LRRC24: variants seen among roughly 807,000 people sequenced by gnomAD.
LRRC24 encodes leucine rich repeat containing 24.
A neutral mutation model predicts 15.3 loss-of-function variants in LRRC24; 19 were observed. The observed-to-expected ratio is 1.25, with a 90% confidence interval of 0.87 to 1.83. LRRC24 has a LOEUF of 1.83. Ranked by LOEUF, LRRC24 falls within the 40% of genes most tolerant of loss-of-function variation. LRRC24 has a pLI of 0.00. For synonymous variants in LRRC24, 469 were observed against 359.6 expected (o/e 1.30, Z -3.44); for missense variants, 914 against 723.9 (o/e 1.26, Z -3.01).
rs779345127 is a variant in LRRC24 at position 144,523,402 on chromosome 8, T to C, written c.615A>G (p.Pro205=). 2 of 1,531,198 alleles carry C rather than the reference T, an allele frequency of 1.3e-6. No individual in the cohort carries two copies. Among genetic ancestry groups the C allele is most frequent in the Non-Finnish European group, 1.8e-6 (2 of 1,139,394 alleles). The allele number at this position is 1,531,198 out of a possible 1,614,324, so 94.9% of individuals were successfully genotyped here. A position where few individuals can be genotyped will look rare whatever the true frequency, so the allele number is the denominator to read the frequency against. ...AGTGCAGGGCGCAGTCACAGCGCCA[T>C]GGGTTCTCTGTGGGAGAGCAGCGTT... The part of the protein sequence containing the change: ...SLQVLRLTEN[P]WRCDCALHWL... The change falls in exon 5 of 5, where the codon CCA becomes CCG. Residue 205 remains proline (P), a synonymous_variant. Transcript: ENST00000529415.
In LRRC24 at chr8:144,523,386, C is replaced by T. The variant is rs1458795086; in HGVS notation, c.631G>A (p.Ala211Thr). 6.5e-7 allele frequency: 1 copy of T among 1,546,954 alleles called. No individual in the cohort carries two copies. Among genetic ancestry groups the T allele is most frequent in the Non-Finnish European group, 8.7e-7 (1 of 1,145,828 alleles). Reference protein sequence around the residue: ...LTENPWRCDCALHWLGAWIKE... With the variant: ...LTENPWRCDCTLHWLGAWIKE... ...ATCCAGGCACCCAGCCAGTGCAGGG[C>T]GCAGTCACAGCGCCATGGGTTCTCT... Residue 211 changes from alanine to threonine, a missense_variant, in exon 5 of 5, where the codon GCC (alanine) becomes ACC (threonine). Ala to Thr is a moderately conservative substitution (Grantham distance 58). Coordinates refer to ENST00000529415, the MANE Select transcript of LRRC24 (RefSeq NM_001024678.4).
rs200824472 is a variant in LRRC24, at chr8:144,522,802, C to T, written c.1215G>A (p.Thr405=). The T allele has an allele frequency of 2.6e-6, 4 of 1,538,118 alleles. 1 individual carries two copies. The highest frequency in any genetic ancestry group is 2.5e-5 in the East Asian group (1 of 39,288). ...AFRALGVATQ[T]AIAAAIALLA... ...GCAGCGCGATGGCCGCCGCAATGGC[C>T]GTCTGTGTGGCCACGCCCAGGGCGC... is the stretch of plus-strand genomic sequence containing the variant. Residue 405 remains threonine, a synonymous_variant, in exon 5 of 5, where the codon ACG becomes ACA. Transcript: ENST00000529415.
chr8:144,522,764 GC>G lies in LRRC24; in HGVS notation c.1252del (p.Ala418ArgfsTer7), dbSNP rs1261869363. On this transcript the variant is annotated frameshift_variant, in exon 5 of 5. Transcript: ENST00000529415. LOFTEE classifies it low-confidence loss of function (END_TRUNC). Reference protein sequence around the residue: ...AAAIALLALTALLLVAMICRR... With the variant: ...AAAIALLALTXLLLVAMICRR... Reference sequence around the variant, plus strand: ...ACAGATCATGGCGACCAGGAGCAGCGCCGTGAGCGCCAGCAGCGCGATGGCC... The same window carrying G: ...ACAGATCATGGCGACCAGGAGCAGCGCGTGAGCGCCAGCAGCGCGATGGCC... 1 of 1,574,242 alleles carries G rather than the reference GC, an allele frequency of 6.4e-7. No individual in the cohort carries two copies. The highest frequency in any genetic ancestry group is 8.6e-7 in the Non-Finnish European group (1 of 1,163,210).
intron 4 of LRRC24, 44 bp from the exon 5 acceptor site, chr8:144,523,453 A>C (rs770268119): frequency 3.3e-6 from 5 of 1,500,976 alleles, no homozygotes; most frequent in Non-Finnish European, 3.5e-6. Context: ...GGGTGCTGCT[A>C]AAACAGCCTG....
chr8:144,523,109 CGGCCCTCGCGAGGCT>C lies in LRRC24; in HGVS notation c.893_907del (p.Gln298_Gly302del). 1 of 1,609,292 alleles carries C rather than the reference CGGCCCTCGCGAGGCT, an allele frequency of 6.2e-7. No individual in the cohort carries two copies. Among genetic ancestry groups the C allele is most frequent in the South Asian group, 1.1e-5 (1 of 90,984 alleles). The stretch of plus-strand genomic sequence containing the variant: ...TTCTAGCTGGGCCTGGGCTCGCGGC[CGGCCCTCGCGAGGCT>C]GGGGCACCTTTCTCCAGGTCACCAA... On this transcript the variant is annotated inframe_deletion, in exon 5 of 5. Coordinates refer to ENST00000529415, the MANE Select transcript of LRRC24 (RefSeq NM_001024678.4).
rs1278605181 is a variant in LRRC24, at chr8:144,524,180, C to T, written c.537G>A (p.Arg179=). The change falls in exon 4 of 5, where the codon AGG becomes AGA. Residue 179 remains arginine, a synonymous_variant. Coordinates refer to ENST00000529415, the MANE Select transcript of LRRC24 (RefSeq NM_001024678.4). ...CTCGGCTGATGGTGCCCAGCTGGTT[C>T]CTGCTGAGGTCCAGCAGTGCTAGGG... The part of the protein sequence containing the change: ...LSSLALLDLS[R]NQLGTISREA... 1.2e-6 allele frequency: 2 copies of T among 1,611,396 alleles called. No homozygotes were observed. The highest frequency in any genetic ancestry group is 2.2e-5 in the East Asian group (1 of 44,860).
chr8:144,526,683 T>G (rs1158312115), intron 1 of LRRC24: 1 of 152,240 alleles, frequency 6.6e-6, no homozygotes, highest in African/African-American at 2.4e-5. Context: ...GCCCTGTGTC[T>G]GCCTCGGGCG....
chr8:144,522,610 C>A lies in LRRC24; in HGVS notation c.1407G>T (p.Glu469Asp). Residue 469 changes from glutamate (E) to aspartate (D), a missense_variant, in exon 5 of 5, where the codon GAG (glutamate) becomes GAT (aspartate). Transcript: ENST00000529415. Reference protein sequence around the residue: ...LEELRDERGHEMFVINRSKPL... With the variant: ...LEELRDERGHDMFVINRSKPL... Reference sequence around the variant, plus strand: ...GCTTGGAGCGGTTGATGACGAACATCTCGTGGCCGCGCTCGTCGCGGAGCT... The same window carrying A: ...GCTTGGAGCGGTTGATGACGAACATATCGTGGCCGCGCTCGTCGCGGAGCT... 1 of 1,571,394 alleles carries A rather than the reference C, an allele frequency of 6.4e-7. No individual in the cohort carries two copies. Among genetic ancestry groups the A allele is most frequent in the South Asian group, 1.2e-5 (1 of 86,148 alleles).
chr8:144,523,458 A>C, intron 4 of LRRC24, 49 bp from the exon 5 acceptor site: 1 of 1,496,552 alleles, frequency 6.7e-7, no homozygotes, highest in Non-Finnish European at 8.9e-7. Context: ...CTGCTAAAAC[A>C]GCCTGTGCAG....
chr8:144,522,935 A>G lies in LRRC24; in HGVS notation c.1082T>C (p.Leu361Pro). 1.2e-5 allele frequency: 18 copies of G among 1,539,832 alleles called. No homozygotes were observed. Among genetic ancestry groups the G allele is most frequent in the East Asian group, 2.6e-5 (1 of 39,034 alleles). ...GGAARVPFRL[L>P]VNASRQQPQQ... ...CGGCTGCTGCCGGGACGCGTTGACC[A>G]GGAGCCGGAAGGGCACGCGGGCAGC... Residue 361 changes from leucine (L) to proline (P), a missense_variant, in exon 5 of 5, where the codon CTG becomes CCG. Coordinates refer to ENST00000529415, the MANE Select transcript of LRRC24 (RefSeq NM_001024678.4).
chr8:144,522,934 C>A lies in LRRC24; in HGVS notation c.1083G>T (p.Leu361=). 1 of 1,538,460 alleles carries A rather than the reference C, an allele frequency of 6.5e-7. No homozygotes were observed. Reference sequence around the variant, plus strand: ...GCGGCTGCTGCCGGGACGCGTTGACCAGGAGCCGGAAGGGCACGCGGGCAG... The same window carrying A: ...GCGGCTGCTGCCGGGACGCGTTGACAAGGAGCCGGAAGGGCACGCGGGCAG... ...GGAARVPFRL[L]VNASRQQPQQ... is the part of the protein sequence containing the mutation. The change falls in exon 5 of 5, where the codon CTG becomes CTT. Residue 361 remains leucine (L), a synonymous_variant. Coordinates refer to ENST00000529415, the MANE Select transcript of LRRC24 (RefSeq NM_001024678.4).
rs750332147 is a variant in LRRC24, at chr8:144,524,187, A to C, written c.530T>G (p.Leu177Arg). The change falls in exon 4 of 5, where the codon CTC (leucine) becomes CGC (arginine). Residue 177 changes from leucine to arginine, a missense_variant. By Grantham distance (102) the Leu-to-Arg change is moderately radical. Coordinates refer to ENST00000529415, the MANE Select transcript of LRRC24 (RefSeq NM_001024678.4). ...GATGGTGCCCAGCTGGTTCCTGCTGAGGTCCAGCAGTGCTAGGGAGGACAG... is the reference window on the plus strand; with the variant it reads ...GATGGTGCCCAGCTGGTTCCTGCTGCGGTCCAGCAGTGCTAGGGAGGACAG... Reference protein sequence around the residue: ...AGLSSLALLDLSRNQLGTISR... With the variant: ...AGLSSLALLDRSRNQLGTISR... 3 of 1,611,630 alleles carry C rather than the reference A, an allele frequency of 1.9e-6. No homozygotes were observed. The South Asian group carries it at 3.3e-5, about 18-fold the overall frequency.
chr8:144,525,766 G>A (rs1816338950), intron 1 of LRRC24: 1 of 152,198 alleles, frequency 6.6e-6, no homozygotes, highest in Admixed American at 6.5e-5. Context: ...AAGGTGTCCT[G>A]TCTTTGGGGA....
At position 144,524,132 on chromosome 8, in the gene LRRC24, A is replaced by ACTGAGCCC; in HGVS notation, c.584_585insGGGCTCAG (p.Ser195ArgfsTer100). The ACTGAGCCC allele has an allele frequency of 6.2e-7, 1 of 1,604,068 alleles. No individual in the cohort carries two copies. The highest frequency in any genetic ancestry group is 1.1e-5 in the South Asian group (1 of 90,924). On this transcript the variant is annotated frameshift_variant, in exon 4 of 5. Transcript: ENST00000529415. LOFTEE classifies it low-confidence loss of function (END_TRUNC). ...TACCTGTGAGGCGCAGGACTTGCAGACTGGCCAGGGGCTGCAGGGCCTCTC... is the reference window on the plus strand; with the variant it reads ...TACCTGTGAGGCGCAGGACTTGCAGACTGAGCCCCTGGCCAGGGGCTGCAGGGCCTCTC...
Position 144,522,926 on chromosome 8 carries a change from G to A in LRRC24, c.1091C>T (p.Ala364Val). ...ARVPFRLLVN[A>V]SRQQPQQPAQ... ...GGGCTGCTGCGGCTGCTGCCGGGAC[G>A]CGTTGACCAGGAGCCGGAAGGGCAC... The change falls in exon 5 of 5, where the codon GCG becomes GTG. Residue 364 changes from alanine (A) to valine (V), a missense_variant. By Grantham distance (64) the Ala-to-Val change is moderately conservative. Coordinates refer to ENST00000529415, the MANE Select transcript of LRRC24 (RefSeq NM_001024678.4). 6.7e-7 allele frequency: 1 copy of A among 1,500,846 alleles called. No individual in the cohort carries two copies. Among genetic ancestry groups the A allele is most frequent in the Non-Finnish European group, 8.8e-7 (1 of 1,134,680 alleles). 93.0% of individuals were successfully genotyped at this position (1,500,846 alleles called of 1,614,324 possible).
rs1429728646 is a variant in LRRC24, at chr8:144,524,393, G to T, written c.438+48C>A. 3 of 1,594,016 alleles carry T rather than the reference G, an allele frequency of 1.9e-6. No individual in the cohort carries two copies. In the East Asian group the frequency reaches 6.7e-5, roughly 36 times the overall value. On this transcript the variant is annotated intron_variant, in intron 3 of 4. Coordinates refer to ENST00000529415, the MANE Select transcript of LRRC24 (RefSeq NM_001024678.4). The stretch of plus-strand genomic sequence containing the variant: ...TCTAACTATTCCAGCCCTACAGGGC[G>T]AGGGGCCATAATGGAGTATCCCGCC...
At chr8:144,523,962 C>T in intron 4 of LRRC24, 148 bp downstream of exon 4, 1 of 923,020 alleles carries the variant, frequency 1.1e-6, no homozygotes, top group South Asian at 1.7e-5. Flanking sequence ...ACACCCACTC[C>T]CGCAGCCCTC....
At chr8:144,525,114 C>A (rs959643225) in intron 1 of LRRC24, 81 bp from the exon 2 acceptor site, 1 of 915,408 alleles carries the variant, frequency 1.1e-6, no homozygotes, top group Non-Finnish European at 1.5e-6. Context: ...CTGCGTCTAA[C>A]TTTTGACGCT....
At position 144,523,279 on chromosome 8, in the gene LRRC24, ACT is replaced by A. The variant is rs768703828; in HGVS notation, c.736_737del (p.Leu247ProfsTer28). 7.5e-6 allele frequency: 12 copies of A among 1,610,186 alleles called. No individual in the cohort carries two copies. The highest frequency in any genetic ancestry group is 2.2e-5 in the East Asian group (1 of 44,718). On this transcript the variant is annotated frameshift_variant, in exon 5 of 5. Transcript: ENST00000529415. LOFTEE classifies it low-confidence loss of function (END_TRUNC). ...CAEPPRLALQ[S>X]LLDVSHSSLI... ...GGCTGCTGTGGGATACGTCCAGGAG[ACT>A]CTGGAGCGCCAGGCGCGGGGGCTCT... is the stretch of plus-strand genomic sequence containing the variant.
Sources: allele counts gnomAD v4.1 joint callset, GRCh38; gene constraint gnomAD v4.1.1; transcripts MANE v1.5; gene names NCBI Gene and HGNC (gene_info 2026-07-23, HGNC 2026-07-21).